ERCC6: variants seen among roughly 807,000 people sequenced by gnomAD.
The protein encoded by ERCC6 is ERCC excision repair 6, chromatin remodeling factor.
In ERCC6, 116 loss-of-function variants were observed where a neutral mutation model predicts 158.7. The observed-to-expected ratio is 0.73, with a 90% CI of 0.63 to 0.85. The LOEUF (loss-of-function observed/expected upper bound fraction) is 0.85. Ranked by LOEUF, ERCC6 falls within the 40% of genes least tolerant of loss-of-function variation. ERCC6 has a pLI of 0.00. For synonymous variants in ERCC6, 678 were observed against 659.3 expected (o/e 1.03, Z -0.43); for missense variants, 1,698 against 1,799.4 (o/e 0.94, Z 1.02).
chr10:49,524,769 GC>G lies in ERCC6; in HGVS notation c.660del (p.Pro221HisfsTer25). ...HASLEEDAEP[G>X]PSSLGSMLMP... ...ATGAGCATGCTGCCAAGACTGGATGGCCCCGGCTCTGAAAGAACAATAGCAA... is the reference window on the plus strand; with the variant it reads ...ATGAGCATGCTGCCAAGACTGGATGGCCCGGCTCTGAAAGAACAATAGCAA... On this transcript the variant is annotated frameshift_variant, in exon 5 of 21. Coordinates refer to ENST00000355832, the MANE Select transcript of ERCC6 (RefSeq NM_000124.4). LOFTEE classifies it high-confidence loss of function. The G allele has an allele frequency of 6.2e-7, 1 of 1,601,840 alleles. No homozygotes were observed.
In ERCC6 at chr10:49,484,902, G is replaced by A. The variant is rs577716477; in HGVS notation, c.1822-1386C>T. Among the ~76,000 whole-genome samples, 4 of 152,302 alleles carry A rather than the reference G, an allele frequency of 2.6e-5. No individual in the cohort carries two copies. In the South Asian group the frequency reaches 6.2e-4, roughly 24 times the overall value. ...CGAAGGCAAAGAGGAAAATCTTTAC[G>A]TAATTCTAAGAAGGAAAAGTGGTGA... is the stretch of plus-strand genomic sequence containing the variant. On this transcript the variant is annotated intron_variant, in intron 8 of 20. Coordinates refer to ENST00000355832, the MANE Select transcript of ERCC6 (RefSeq NM_000124.4).
intron 5 of ERCC6, among the ~76,000 whole-genome samples, chr10:49,513,191 A>G (rs1448817783): frequency 6.6e-6 from 1 of 152,188 alleles, no homozygotes; most frequent in African/African-American, 2.4e-5. Flanking sequence ...AGGTGAGTGG[A>G]TACACAAGAC....
chr10:49,495,351 G>C (rs1376179579), intron 7 of ERCC6, among the ~76,000 whole-genome samples: 1 of 152,138 alleles, frequency 6.6e-6, no homozygotes, highest in East Asian at 1.9e-4. Context: ...ACCTGGAGCA[G>C]AGTCACTGCA....
chr10:49,445,830 T>C, the ERCC6 span, among the ~76,000 whole-genome samples: 1 of 152,174 alleles, frequency 6.6e-6, no homozygotes, highest in Non-Finnish European at 1.5e-5. Context: ...AAGGCATGGG[T>C]AGCAGACAAA....
chr10:49,505,040 C>G (rs1485312192), intron 6 of ERCC6: 1 of 152,138 alleles, frequency 6.6e-6, no homozygotes, highest in Non-Finnish European at 1.5e-5. Context: ...TTAATCATCT[C>G]GAACAAAGAA....
At chr10:49,485,485 G>A (rs538368530) in intron 8 of ERCC6, among the ~76,000 whole-genome samples, 5 of 152,290 alleles carry the variant, frequency 3.3e-5, no homozygotes, top group Middle Eastern at 3.4e-3. Flanking sequence ...GAATGAAACT[G>A]TTAAGAGGGG....
chr10:49,482,868 T>G lies in ERCC6; in HGVS notation c.1993-5A>C, dbSNP rs372591901. On this transcript the variant is annotated splice_region_variant and splice_polypyrimidine_tract_variant and intron_variant, in intron 9 of 20. Coordinates refer to ENST00000355832, the MANE Select transcript of ERCC6 (RefSeq NM_000124.4). ...GATCCGATGAGGGGTGCGAAACTAT[T>G]TGAGGAAAGGAAGCACCTTTTTATT... The G allele has an allele frequency of 3.1e-6, 5 of 1,613,946 alleles. No individual in the cohort carries two copies. Among genetic ancestry groups the G allele is most frequent in the Non-Finnish European group, 4.2e-6 (5 of 1,179,986 alleles).
intron 11 of ERCC6, 81 bp from the exon 12 acceptor site, chr10:49,476,391 G>T: frequency 1.1e-6 from 1 of 938,424 alleles, no homozygotes; most frequent in South Asian, 1.4e-5. Context: ...AAAACTTCCT[G>T]ATCAAAAGAG....
intron 6 of ERCC6, chr10:49,501,715 G>A (rs1851357607): frequency 6.6e-6 from 1 of 152,016 alleles, no homozygotes; most frequent in African/African-American, 2.4e-5. Context: ...CAGCACTTTG[G>A]GAAGCCGAGG....
intron 18 of ERCC6, among the ~76,000 whole-genome samples, chr10:49,462,632 G>A (rs1019493463): frequency 6.6e-6 from 1 of 151,988 alleles, no homozygotes; most frequent in African/African-American, 2.4e-5. Flanking sequence ...AGGGGAAAAA[G>A]GGACCAAAAA....
chr10:49,437,904 G>C, the ERCC6 span, among the ~76,000 whole-genome samples: 1 of 152,084 alleles, frequency 6.6e-6, no homozygotes, highest in East Asian at 1.9e-4. Flanking sequence ...TTGAGAATAG[G>C]ACACATGTGC....
chr10:49,491,480 C>G (rs1851171911), intron 8 of ERCC6, among the ~76,000 whole-genome samples: 1 of 152,128 alleles, frequency 6.6e-6, no homozygotes, highest in South Asian at 2.1e-4. Flanking sequence ...TATTAACAAC[C>G]ATATGTATGC....
intron 5 of ERCC6, among the ~76,000 whole-genome samples, chr10:49,513,849 TCTCTCTC>T (rs1018694013): frequency 6.7e-6 from 1 of 150,274 alleles, no homozygotes; most frequent in African/African-American, 2.5e-5. Flanking sequence ...TTATTCTCTC[TCTCTCTC>T]TTTTTTTTTT....
rs538602278 is a variant in ERCC6 at position 49,505,725 on chromosome 10, A to G, written c.1526+159T>C. Reference sequence around the variant, plus strand: ...TTATTATCATCCAATTTTAATGAACAGCACGTGGCTATAATTTCATTTGAC... The same window carrying G: ...TTATTATCATCCAATTTTAATGAACGGCACGTGGCTATAATTTCATTTGAC... On this transcript the variant is annotated intron_variant, in intron 6 of 20. Coordinates refer to ENST00000355832, the MANE Select transcript of ERCC6 (RefSeq NM_000124.4). The G allele has an allele frequency of 2.1e-4, 156 of 747,312 alleles. 1 individual carries two copies. Among genetic ancestry groups the G allele is most frequent in the Admixed American group, 7.3e-4 (27 of 37,150 alleles). The allele number at this position is 747,312 out of a possible 1,614,324, so 46.3% of individuals were successfully genotyped here.
the ERCC6 span, among the ~76,000 whole-genome samples, chr10:49,436,685 A>G: frequency 3.3e-5 from 5 of 152,234 alleles, no homozygotes; most frequent in Non-Finnish European, 7.3e-5. Context: ...TCTTATACTT[A>G]AAGTGTAATA....
chr10:49,489,972 T>C (rs1286170278), intron 8 of ERCC6, among the ~76,000 whole-genome samples: 4 of 152,228 alleles, frequency 2.6e-5, no homozygotes, highest in Non-Finnish European at 4.4e-5. Context: ...ATTGTTGTTT[T>C]AACAAATAAA....
intron 18 of ERCC6, among the ~76,000 whole-genome samples, chr10:49,468,958 C>A (rs1350871117): frequency 7.2e-6 from 1 of 139,470 alleles, no homozygotes; most frequent in African/African-American, 2.7e-5. Flanking sequence ...CATCATAATA[C>A]CCCTACTAAT....
chr10:49,509,902 G>A (rs75070303), intron 5 of ERCC6, among the ~76,000 whole-genome samples: 5 of 152,240 alleles, frequency 3.3e-5, no homozygotes, highest in East Asian at 3.9e-4. Flanking sequence ...CACATAAAAC[G>A]AAGTGGTGGG....
intron 6 of ERCC6, chr10:49,501,574 C>T (rs974475940): frequency 2.6e-5 from 4 of 151,982 alleles, no homozygotes; most frequent in African/African-American, 7.2e-5. Context: ...AAAAAATTTT[C>T]GGAGAGTGGA....
Sources: allele counts gnomAD v4.1 joint callset (sites outside exome capture counted in the v4.1 genomes callset), GRCh38; gene constraint gnomAD v4.1.1; transcripts MANE v1.5; gene names NCBI Gene and HGNC (gene_info 2026-07-23, HGNC 2026-07-21).